CTIF: variants seen among roughly 807,000 people sequenced by gnomAD.
CTIF encodes the protein cap binding complex dependent translation initiation factor.
A neutral mutation model predicts 66.0 loss-of-function variants in CTIF; 21 were observed. That is an observed-to-expected ratio of 0.32 (90% CI 0.23 to 0.46). The LOEUF (loss-of-function observed/expected upper bound fraction) is 0.46. CTIF is among the 20% of genes least tolerant of loss of function. CTIF has a pLI of 1.00. For missense variants in CTIF, 739 were observed against 812.7 expected (o/e 0.91, Z 1.10); for synonymous variants, 345 against 326.4 (o/e 1.06, Z -0.62).
intron 7 of CTIF, among the ~76,000 whole-genome samples, chr18:48,725,525 C>T (rs1224715122): frequency 6.6e-6 from 1 of 152,134 alleles, no homozygotes; most frequent in African/African-American, 2.4e-5. Context: ...TTCTGCCTTC[C>T]CACCACCCCC....
chr18:48,815,259 A>G (rs1417503445), intron 9 of CTIF, among the ~76,000 whole-genome samples: 1 of 152,210 alleles, frequency 6.6e-6, no homozygotes, highest in African/African-American at 2.4e-5. Context: ...AAAAAACACC[A>G]TAAGGAGAAA....
intron 6 of CTIF, among the ~76,000 whole-genome samples, chr18:48,682,629 T>C (rs180988210): frequency 2.0e-5 from 3 of 152,336 alleles, no homozygotes; most frequent in Admixed American, 6.5e-5. Flanking sequence ...CTGAGATTTT[T>C]GGTTGGTTGG....
intron 6 of CTIF, among the ~76,000 whole-genome samples, chr18:48,675,053 G>A (rs1457560566): frequency 6.6e-6 from 1 of 151,470 alleles, no homozygotes; most frequent in Admixed American, 6.6e-5. Flanking sequence ...GGGGGTCGGC[G>A]GGGGTGGAGT....
intron 1 of CTIF, 57 bp from the exon 2 acceptor site, chr18:48,619,481 G>T (rs999797069): frequency 8.9e-7 from 1 of 1,128,050 alleles, no homozygotes; most frequent in East Asian, 2.9e-5. Context: ...TCAGGTGTGG[G>T]CATCGTCGTC....
At chr18:48,763,627 C>A (rs1568198535) in intron 9 of CTIF, among the ~76,000 whole-genome samples, 2 of 152,210 alleles carry the variant, frequency 1.3e-5, no homozygotes, top group Non-Finnish European at 2.9e-5. Context: ...GAAGAAAACA[C>A]AAAATTGAAA....
At chr18:48,695,962 T>C (rs910060331) in intron 6 of CTIF, among the ~76,000 whole-genome samples, 1 of 152,252 alleles carries the variant, frequency 6.6e-6, no homozygotes, top group Non-Finnish European at 1.5e-5. Context: ...CTGTCTCCTT[T>C]TTCTTTATGT....
chr18:48,561,235 CAAAAAAAAA>C (rs36056519), intron 1 of CTIF, among the ~76,000 whole-genome samples: 1 of 92,356 alleles, frequency 1.1e-5, no homozygotes, highest in Non-Finnish European at 2.0e-5. Flanking sequence ...GACTCTGTCT[CAAAAAAAAA>C]AAAAAAAAAA....
chr18:48,670,777 C>T, intron 6 of CTIF, 33 bp downstream of exon 6: 1 of 1,567,954 alleles, frequency 6.4e-7, no homozygotes, highest in African/African-American at 1.3e-5. Flanking sequence ...TAACAGCCCA[C>T]CCCCACCCCT....
chr18:48,738,462 C>T (rs1021740826), intron 7 of CTIF, among the ~76,000 whole-genome samples: 1 of 152,190 alleles, frequency 6.6e-6, no homozygotes, highest in South Asian at 2.1e-4. Context: ...CCTCCCCCTT[C>T]ACACTCTGCA....
At position 48,638,349 on chromosome 18, in the gene CTIF, G is replaced by A. The variant is rs114187508; in HGVS notation, c.252+1664G>A. ...GTTTGGTCAGCAGGTGTCTGGTTCTGGAATGTTCCAATGAAGAGTCCTTTT... is the reference window on the plus strand; with the variant it reads ...GTTTGGTCAGCAGGTGTCTGGTTCTAGAATGTTCCAATGAAGAGTCCTTTT... On this transcript the variant is annotated intron_variant, in intron 3 of 11. Transcript: ENST00000256413. 7.2e-3 allele frequency among the ~76,000 whole-genome samples: 1,097 copies of A among 152,272 alleles called. 7 individuals are homozygous for A. Among genetic ancestry groups the A allele is most frequent in the African/African-American group, 0.023 (973 of 41,544 alleles).
chr18:48,626,797 A>T (rs547829811), intron 2 of CTIF, among the ~76,000 whole-genome samples: 1 of 152,016 alleles, frequency 6.6e-6, no homozygotes, highest in East Asian at 1.9e-4. Flanking sequence ...CTGTGATTAC[A>T]GGTGCCTGCC....
chr18:48,669,768 A>G (rs1203946825), intron 5 of CTIF, among the ~76,000 whole-genome samples: 2 of 138,174 alleles, frequency 1.4e-5, no homozygotes, highest in African/African-American at 5.2e-5. Flanking sequence ...ACACACACAC[A>G]TTTATAAACA....
At chr18:48,613,481 AGTTT>A (rs2090345876) in intron 1 of CTIF, among the ~76,000 whole-genome samples, 1 of 151,802 alleles carries the variant, frequency 6.6e-6, no homozygotes, top group East Asian at 1.9e-4. Context: ...GGCGAAGGGG[AGTTT>A]GTTTGCGTCT....
At chr18:48,827,428 G>T (rs1010457697) in intron 10 of CTIF, among the ~76,000 whole-genome samples, 1 of 152,182 alleles carries the variant, frequency 6.6e-6, no homozygotes, top group Non-Finnish European at 1.5e-5. Flanking sequence ...TGGGAGCCCA[G>T]ATGGAGGAAG....
At chr18:48,697,197 A>G (rs1244521052) in intron 6 of CTIF, among the ~76,000 whole-genome samples, 1 of 152,156 alleles carries the variant, frequency 6.6e-6, no homozygotes, top group Non-Finnish European at 1.5e-5. Flanking sequence ...TTATACAACA[A>G]ACAATTATGG....
At chr18:48,664,725 C>T (rs2091407387) in intron 5 of CTIF, among the ~76,000 whole-genome samples, 174 bp downstream of exon 5, 1 of 31,792 alleles carries the variant, frequency 3.1e-5, no homozygotes, top group Non-Finnish European at 1.6e-4. Flanking sequence ...TGGAATCCCT[C>T]CATTTCCCTC....
intron 6 of CTIF, among the ~76,000 whole-genome samples, chr18:48,691,585 C>T (rs1201669146): frequency 6.6e-6 from 1 of 152,174 alleles, no homozygotes; most frequent in Non-Finnish European, 1.5e-5. Context: ...TTCCTTCTTC[C>T]TTTCTCTAGC....
At chr18:48,700,928 G>C (rs2092076572) in intron 6 of CTIF, among the ~76,000 whole-genome samples, 1 of 152,188 alleles carries the variant, frequency 6.6e-6, no homozygotes, top group Admixed American at 6.5e-5. Flanking sequence ...TTCTAGAGTT[G>C]GTTGATGCTT....
intron 9 of CTIF, among the ~76,000 whole-genome samples, chr18:48,795,558 G>A (rs148723944): frequency 4.0e-4 from 61 of 152,244 alleles, no homozygotes; most frequent in African/African-American, 1.3e-3. Context: ...ATCTTATTCG[G>A]GTTTCTTCAA....
Sources: allele counts gnomAD v4.1 joint callset (sites outside exome capture counted in the v4.1 genomes callset), GRCh38; gene constraint gnomAD v4.1.1; transcripts MANE v1.5; gene names NCBI Gene and HGNC (gene_info 2026-07-23, HGNC 2026-07-21).